USP34: variants seen among roughly 807,000 people sequenced by gnomAD.
USP34 encodes ubiquitin carboxyl-terminal hydrolase 34.
Under a neutral mutation model 460.3 loss-of-function variants are expected in USP34, and 70 were observed. That is an observed-to-expected ratio of 0.15 (90% CI 0.13 to 0.19). The LOEUF (loss-of-function observed/expected upper bound fraction) is 0.19, where lower values mean the gene tolerates loss of function less well. Ranked by LOEUF, USP34 falls within the 10% of genes least tolerant of loss-of-function variation. The pLI, the probability that USP34 is intolerant of heterozygous loss-of-function variation, is 1.00. For missense variants in USP34, 3,985 were observed against 4,236.2 expected, an observed-to-expected ratio of 0.94 and a Z score of 1.65; for synonymous variants, 1,647 against 1,405.3, an observed-to-expected ratio of 1.17 and a Z score of -3.85.
Position 61,331,447 on chromosome 2 carries a change from T to C in USP34, c.2835-76A>G, listed in dbSNP as rs535183077. The C allele has an allele frequency of 5.1e-4, 598 of 1,181,214 alleles. 2 individuals carry two copies. The Middle Eastern group carries it at 0.013, about 26-fold the overall frequency. 73.2% of individuals were successfully genotyped at this position (1,181,214 alleles called of 1,614,324 possible). On this transcript the variant is annotated intron_variant, in intron 19 of 79. Transcript: ENST00000398571. ...TAAATCTATGCTATGACAGTAAATA[T>C]GCAAATCTAAAAAAAATCTTCAAAT...
intron 75 of USP34, among the ~76,000 whole-genome samples, chr2:61,197,297 T>G (rs1686837800): frequency 6.6e-6 from 1 of 151,988 alleles, no homozygotes; most frequent in African/African-American, 2.4e-5. Context: ...AAGAAGGAAA[T>G]GAACATTTTC....
At chr2:61,196,606 C>T (rs1686818168) in intron 75 of USP34, among the ~76,000 whole-genome samples, 1 of 152,056 alleles carries the variant, frequency 6.6e-6, no homozygotes, top group East Asian at 1.9e-4. Context: ...TCTTGGCTCA[C>T]TGCAGCCTCG....
intron 27 of USP34, among the ~76,000 whole-genome samples, chr2:61,304,984 C>T (rs1006023326): frequency 6.6e-6 from 1 of 152,062 alleles, no homozygotes; most frequent in Admixed American, 6.5e-5. Context: ...ACTGAAAACA[C>T]ACGTCATTTT....
chr2:61,258,090 A>G (rs573189399), intron 44 of USP34, among the ~76,000 whole-genome samples: 1 of 152,276 alleles, frequency 6.6e-6, no homozygotes, highest in South Asian at 2.1e-4. Flanking sequence ...ATGATAGCTC[A>G]TGCCTGTGAT....
intron 42 of USP34, 172 bp downstream of exon 42, chr2:61,265,812 T>C (rs927389740): frequency 1.4e-6 from 1 of 719,806 alleles, no homozygotes; most frequent in Non-Finnish European, 2.0e-6. Flanking sequence ...AAAATGCATA[T>C]AAAAAGGTCC....
At chr2:61,410,324 C>T (rs957782226) in intron 2 of USP34, among the ~76,000 whole-genome samples, 2 of 152,182 alleles carry the variant, frequency 1.3e-5, no homozygotes, top group Non-Finnish European at 2.9e-5. Context: ...AGATCCCTCA[C>T]ATGCACAGTT....
chr2:61,465,156 C>T (rs541527536), intron 1 of USP34, among the ~76,000 whole-genome samples: 1 of 143,026 alleles, frequency 7.0e-6, no homozygotes, highest in South Asian at 2.5e-4. Flanking sequence ...AATGTAGTTT[C>T]AACTTTTATG....
intron 19 of USP34, 108 bp from the exon 20 acceptor site, chr2:61,331,479 T>G: frequency 1.2e-6 from 1 of 846,372 alleles, no homozygotes; most frequent in African/African-American, 1.8e-5. Context: ...AAATGTAAAA[T>G]TTTAGTTACG....
chr2:61,262,116 A>AATATAT (rs70963406), intron 43 of USP34, among the ~76,000 whole-genome samples: 110 of 47,360 alleles, frequency 2.3e-3, no homozygotes, highest in South Asian at 4.0e-3. Context: ...AAAAAAAAAA[A>AATATAT]ATATATATAT....
chr2:61,298,217 A>T (rs1690094640), intron 29 of USP34, among the ~76,000 whole-genome samples: 1 of 151,732 alleles, frequency 6.6e-6, no homozygotes, highest in African/African-American at 2.4e-5. Context: ...CCTGCCAAAA[A>T]TAAGATTCAA....
At chr2:61,362,396 G>GA (rs776544583) in intron 10 of USP34, among the ~76,000 whole-genome samples, 9 of 151,842 alleles carry the variant, frequency 5.9e-5, no homozygotes, top group East Asian at 1.9e-4. Flanking sequence ...CCAAGATATG[G>GA]AAAAAAAACT....
In USP34 at chr2:61,385,713, G is replaced by A. The variant is rs545829617; in HGVS notation, c.754-2377C>T. ...AAAAAAAGAAATACGACAAGGAGAA[G>A]CTGGGTGCAGTGACTCAGGCCTGTA... On this transcript the variant is annotated intron_variant, in intron 5 of 79. Coordinates refer to ENST00000398571, the MANE Select transcript of USP34 (RefSeq NM_014709.4). 4.1e-5 allele frequency among the ~76,000 whole-genome samples: 6 copies of A among 146,608 alleles called. No individual in the cohort carries two copies. In the South Asian group the frequency reaches 1.3e-3, roughly 32 times the overall value.
intron 75 of USP34, among the ~76,000 whole-genome samples, chr2:61,202,081 C>G (rs774849768): frequency 1.3e-5 from 2 of 152,190 alleles, no homozygotes; most frequent in Non-Finnish European, 2.9e-5. Flanking sequence ...GCTTTCAAAT[C>G]TAAAAATGCT....
chr2:61,196,310 T>C (rs929696769), intron 75 of USP34, among the ~76,000 whole-genome samples: 3 of 150,758 alleles, frequency 2.0e-5, no homozygotes, highest in Non-Finnish European at 4.4e-5. Context: ...CAGGATAGTC[T>C]CGATCTCCTG....
intron 57 of USP34, among the ~76,000 whole-genome samples, chr2:61,233,128 G>C (rs1687961678): frequency 6.6e-6 from 1 of 151,844 alleles, no homozygotes; most frequent in Non-Finnish European, 1.5e-5. Context: ...CTAAAGTGCT[G>C]GTATTATAGG....
At chr2:61,336,354 T>G (rs2103743596) in intron 18 of USP34, among the ~76,000 whole-genome samples, 1 of 152,166 alleles carries the variant, frequency 6.6e-6, no homozygotes, top group South Asian at 2.1e-4. Context: ...CTCAAACTAC[T>G]GGGCTCAATA....
At position 61,218,316 on chromosome 2, in the gene USP34, GAA is replaced by G. The variant is rs79272493; in HGVS notation, c.8047+1992_8047+1993del. ...ATGGTGGGGTTAACTAAACTTCCAG[GAA>G]AAAAAAAAAAAAAAAAAGGCCCATG... On this transcript the variant is annotated intron_variant, in intron 67 of 79. Coordinates refer to ENST00000398571, the MANE Select transcript of USP34 (RefSeq NM_014709.4). Among the ~76,000 whole-genome samples, 517 of 89,710 alleles carry G rather than the reference GAA, an allele frequency of 5.8e-3. 1 individual carries two copies. The highest frequency in any genetic ancestry group is 0.018 in the African/African-American group (392 of 22,126). 58.9% of individuals were successfully genotyped at this position (89,710 alleles called of 152,430 possible).
chr2:61,327,231 C>G (rs139472395), intron 20 of USP34, among the ~76,000 whole-genome samples: 13 of 152,286 alleles, frequency 8.5e-5, no homozygotes, highest in East Asian at 1.9e-4. Flanking sequence ...ACTGGACATG[C>G]CTTTGCTGCT....
chr2:61,360,236 T>C (rs766858864), intron 10 of USP34, among the ~76,000 whole-genome samples: 9 of 151,958 alleles, frequency 5.9e-5, no homozygotes, highest in African/African-American at 9.7e-5. Context: ...GGACTCCAAA[T>C]AGAAAACAGG....
Sources: gnomAD v4.1 joint callset for allele counts (sites outside exome capture counted in the v4.1 genomes callset) on GRCh38, gnomAD v4.1.1 for gene constraint, MANE v1.5 for transcripts, NCBI Gene and HGNC (gene_info 2026-07-23, HGNC 2026-07-21) for gene names.